KBTBD12: variants seen among roughly 807,000 people sequenced by gnomAD.
KBTBD12 encodes kelch repeat and BTB domain-containing protein 12.
Under a neutral mutation model 58.7 loss-of-function variants are expected in KBTBD12, and 53 were observed. The ratio of observed to expected loss-of-function variants is 0.90; its 90% CI spans 0.72 to 1.14. The LOEUF (loss-of-function observed/expected upper bound fraction) is 1.14, where lower values mean the gene tolerates loss of function less well. KBTBD12 is among the 50% of genes most tolerant of loss of function. The probability of loss-of-function intolerance (pLI) is 0.00; values close to 1 mark genes in which losing one functional copy is unlikely to be tolerated. For missense variants in KBTBD12, 704 were observed against 751.3 expected, an observed-to-expected ratio of 0.94 and a Z score of 0.74; for synonymous variants, 236 against 259.8, an observed-to-expected ratio of 0.91 and a Z score of 0.88.
intron 5 of KBTBD12, among the ~76,000 whole-genome samples, chr3:127,964,398 C>T (rs1940518575): frequency 6.6e-6 from 1 of 151,726 alleles, no homozygotes; most frequent in African/African-American, 2.4e-5. Flanking sequence ...CTTTGGGAGG[C>T]CGAGGCAGGC....
chr3:127,939,861 G>A (rs991414247), intron 4 of KBTBD12, among the ~76,000 whole-genome samples: 4 of 152,258 alleles, frequency 2.6e-5, no homozygotes, highest in Admixed American at 2.6e-4. Flanking sequence ...CTGTGTACAT[G>A]AAACCCACTT....
intron 4 of KBTBD12, among the ~76,000 whole-genome samples, chr3:127,955,745 A>T (rs2107606128): frequency 6.6e-6 from 1 of 152,332 alleles, no homozygotes; most frequent in South Asian, 2.1e-4. Context: ...TAATGGACAT[A>T]TTATATGCTC....
Position 127,986,810 on chromosome 3 carries a change from C to A in KBTBD12, c.*2532C>A, listed in dbSNP as rs1344057880. The A allele has an allele frequency of 1.3e-5, 2 of 152,350 alleles. No homozygotes were observed. Among genetic ancestry groups the A allele is most frequent in the African/African-American group, 2.4e-5 (1 of 41,434 alleles). 9.4% of individuals were successfully genotyped at this position (152,350 alleles called of 1,614,324 possible). On this transcript the variant is annotated 3_prime_UTR_variant, in exon 6 of 6. Coordinates refer to ENST00000405109, the MANE Select transcript of KBTBD12 (RefSeq NM_207335.4). Reference sequence around the variant, plus strand: ...CTGAGATGGTTCTTAATTTCCCATACCCTGTTGCTTGGCTCCTCCAGTTGG... The same window carrying A: ...CTGAGATGGTTCTTAATTTCCCATAACCTGTTGCTTGGCTCCTCCAGTTGG...
intron 4 of KBTBD12, among the ~76,000 whole-genome samples, chr3:127,947,730 T>A (rs1940114252): frequency 6.6e-6 from 1 of 152,152 alleles, no homozygotes; most frequent in Non-Finnish European, 1.5e-5. Flanking sequence ...TACCAATCTG[T>A]CACAACAGCC....
At chr3:127,933,002 T>A (rs116734438) in intron 4 of KBTBD12, among the ~76,000 whole-genome samples, 1,748 of 152,294 alleles carry the variant, frequency 0.011, 18 homozygotes, top group Non-Finnish European at 0.019. Context: ...TTTTAAGATC[T>A]GACATGCCGG....
intron 4 of KBTBD12, among the ~76,000 whole-genome samples, chr3:127,931,224 G>A (rs9855570): frequency 0.62 from 93,531 of 151,838 alleles, 29,487 homozygotes; most frequent in African/African-American, 0.75. Flanking sequence ...TTTTTTTACT[G>A]AAGGGAGGCC....
At chr3:127,935,492 G>A (rs888209132) in intron 4 of KBTBD12, among the ~76,000 whole-genome samples, 1 of 152,060 alleles carries the variant, frequency 6.6e-6, no homozygotes. Context: ...CAGGCACAGT[G>A]GCATGCACCT....
In KBTBD12 at chr3:127,963,319, C is replaced by T; in HGVS notation, c.1623C>T (p.Arg541=). The T allele has an allele frequency of 1.2e-6, 2 of 1,611,584 alleles. No individual in the cohort carries two copies. The highest frequency in any genetic ancestry group is 8.5e-7 in the Non-Finnish European group (1 of 1,179,018). ...PPMPSPLLSL[R]TNSTNAGAVD... is the part of the protein sequence containing the mutation. ...TGCCAAGTCCCCTCCTCTCACTCCG[C>T]ACCAATTCCACCAATGCAGGGGCAG... The change falls in exon 5 of 6, where the codon CGC becomes CGT. Residue 541 remains arginine (R), a synonymous_variant. Coordinates refer to ENST00000405109, the MANE Select transcript of KBTBD12 (RefSeq NM_207335.4).
At position 127,963,178 on chromosome 3, in the gene KBTBD12, A is replaced by G. The variant is rs774824116; in HGVS notation, c.1493-11A>G. The G allele has an allele frequency of 6.3e-7, 1 of 1,586,550 alleles. No individual in the cohort carries two copies. Among genetic ancestry groups the G allele is most frequent in the African/African-American group, 1.3e-5 (1 of 74,560 alleles). The stretch of plus-strand genomic sequence containing the variant: ...CCTGATCCTCTCATTTCTCCACATA[A>G]TTCTCTGCAGGTGGCATTGGCTGTG... On this transcript the variant is annotated splice_polypyrimidine_tract_variant and intron_variant, in intron 4 of 5. Coordinates refer to ENST00000405109, the MANE Select transcript of KBTBD12 (RefSeq NM_207335.4).
At chr3:127,975,509 G>T (rs192646579) in intron 5 of KBTBD12, among the ~76,000 whole-genome samples, 202 of 152,268 alleles carry the variant, frequency 1.3e-3, no homozygotes, top group African/African-American at 4.7e-3. Context: ...CACCGCGTGG[G>T]TCAGAAAAGA....
In KBTBD12 at chr3:127,927,922, C is replaced by T; in HGVS notation, c.1229C>T (p.Ser410Phe). 6.2e-7 allele frequency: 1 copy of T among 1,613,492 alleles called. No homozygotes were observed. The highest frequency in any genetic ancestry group is 8.5e-7 in the Non-Finnish European group (1 of 1,179,556). ...YLITNCVDKY[S>F]VERDNWKRVS... ...ATTACAAACTGTGTTGATAAGTACT[C>T]TGTAGAACGGGACAATTGGAAAAGG... The change falls in exon 3 of 6, where the codon TCT becomes TTT. Residue 410 changes from serine (S) to phenylalanine (F), a missense_variant. Ser to Phe is a radical substitution (Grantham distance 155). Coordinates refer to ENST00000405109, the MANE Select transcript of KBTBD12 (RefSeq NM_207335.4).
chr3:127,947,168 T>C (rs1398723671), intron 4 of KBTBD12, among the ~76,000 whole-genome samples: 1 of 152,194 alleles, frequency 6.6e-6, no homozygotes, highest in African/African-American at 2.4e-5. Context: ...GTCTGGTGAT[T>C]TTTTTCTTGT....
chr3:127,980,064 T>C (rs907809853), intron 5 of KBTBD12, among the ~76,000 whole-genome samples: 9 of 152,194 alleles, frequency 5.9e-5, no homozygotes. Flanking sequence ...TGGAGAAATT[T>C]GAACTGCACC....
At chr3:127,936,123 T>C (rs1323385451) in intron 4 of KBTBD12, among the ~76,000 whole-genome samples, 1 of 152,184 alleles carries the variant, frequency 6.6e-6, no homozygotes, top group Non-Finnish European at 1.5e-5. Context: ...CTCAGCACTT[T>C]GGGAGGCCGA....
chr3:127,968,405 C>G (rs1559773892), intron 5 of KBTBD12, among the ~76,000 whole-genome samples: 1 of 152,180 alleles, frequency 6.6e-6, no homozygotes, highest in Non-Finnish European at 1.5e-5. Flanking sequence ...CAATTCCAAA[C>G]TTACTATTTG....
intron 2 of KBTBD12, among the ~76,000 whole-genome samples, chr3:127,927,018 C>G (rs1388742351): frequency 6.6e-6 from 1 of 152,136 alleles, no homozygotes; most frequent in Non-Finnish European, 1.5e-5. Context: ...ACCCAGTGAC[C>G]ATACAATGCC....
chr3:127,926,820 GTGTT>G (rs1314703947), intron 2 of KBTBD12, among the ~76,000 whole-genome samples: 2 of 152,148 alleles, frequency 1.3e-5, no homozygotes, highest in Admixed American at 6.5e-5. Context: ...TTGTGTGTGT[GTGTT>G]TAATTTTGAA....
Position 127,960,936 on chromosome 3 carries a change from C to G in KBTBD12, c.1493-2253C>G, listed in dbSNP as rs148081201. On this transcript the variant is annotated intron_variant, in intron 4 of 5. Transcript: ENST00000405109. Reference sequence around the variant, plus strand: ...GAGAATAATACCCATTCTGTATATGCGTCATGTTGGGGAAGTCTTCTAATG... The same window carrying G: ...GAGAATAATACCCATTCTGTATATGGGTCATGTTGGGGAAGTCTTCTAATG... Among the ~76,000 whole-genome samples the G allele has an allele frequency of 4.6e-5, 7 of 152,238 alleles. No homozygotes were observed. The East Asian group carries it at 1.2e-3, about 25-fold the overall frequency.
At chr3:127,971,735 G>T (rs1286765347) in intron 5 of KBTBD12, among the ~76,000 whole-genome samples, 1 of 152,202 alleles carries the variant, frequency 6.6e-6, no homozygotes, top group African/African-American at 2.4e-5. Context: ...TGGGCAGGGG[G>T]ATTTCTTCCC....
Sources: allele counts gnomAD v4.1 joint callset (sites outside exome capture counted in the v4.1 genomes callset), GRCh38; gene constraint gnomAD v4.1.1; transcripts MANE v1.5; gene names NCBI Gene and HGNC (gene_info 2026-07-23, HGNC 2026-07-21).